AHCYL2: variants seen among roughly 807,000 people sequenced by gnomAD.
AHCYL2 encodes adenosylhomocysteinase like 2, also known as S-adenosylhomocysteine hydrolase-like protein 2.
Under a neutral mutation model 81.4 loss-of-function variants are expected in AHCYL2, and 28 were observed. That is an observed-to-expected ratio of 0.34 (90% CI 0.25 to 0.47). AHCYL2 has a LOEUF of 0.47. AHCYL2 is among the 20% of genes least tolerant of loss of function. The pLI is 1.00. For missense variants in AHCYL2, 551 were observed against 785.1 expected (o/e 0.70, Z 3.56); for synonymous variants, 272 against 290.2 (o/e 0.94, Z 0.64).
At chr7:129,315,042 C>T in intron 1 of AHCYL2, among the ~76,000 whole-genome samples, 1 of 152,094 alleles carries the variant, frequency 6.6e-6, no homozygotes, top group East Asian at 1.9e-4. Context: ...CATACAGCAC[C>T]TACCACATAG....
intron 1 of AHCYL2, among the ~76,000 whole-genome samples, chr7:129,296,456 C>T (rs978049257): frequency 2.0e-5 from 3 of 152,140 alleles, no homozygotes; most frequent in South Asian, 4.1e-4. Flanking sequence ...CGCCTATAAT[C>T]GCAGCACTTT....
chr7:129,275,326 C>T (rs893457159), intron 1 of AHCYL2, among the ~76,000 whole-genome samples: 24 of 152,020 alleles, frequency 1.6e-4, no homozygotes, highest in African/African-American at 4.3e-4. Flanking sequence ...CTCATGAACC[C>T]GGGAGGCAGA....
At chr7:129,254,887 G>A (rs948884770) in intron 1 of AHCYL2, among the ~76,000 whole-genome samples, 1 of 152,190 alleles carries the variant, frequency 6.6e-6, no homozygotes, top group African/African-American at 2.4e-5. Context: ...ATAGTTTTTT[G>A]TGGAGTGTGA....
chr7:129,275,843 C>T (rs1036729389), intron 1 of AHCYL2, among the ~76,000 whole-genome samples: 4 of 151,984 alleles, frequency 2.6e-5, no homozygotes, highest in African/African-American at 9.7e-5. Context: ...CAGACAAAAA[C>T]AACTTGAGAA....
chr7:129,342,784 G>C (rs75331517), intron 1 of AHCYL2, among the ~76,000 whole-genome samples: 135 of 152,066 alleles, frequency 8.9e-4, no homozygotes, highest in Non-Finnish European at 1.4e-3. Context: ...ACTCACCTCT[G>C]TTCACCACAG....
intron 1 of AHCYL2, among the ~76,000 whole-genome samples, chr7:129,306,229 C>G (rs951118726): frequency 2.6e-5 from 4 of 152,172 alleles, no homozygotes; most frequent in African/African-American, 9.6e-5. Flanking sequence ...CTTATATTTG[C>G]CCTTTTGAGG....
intron 1 of AHCYL2, among the ~76,000 whole-genome samples, chr7:129,268,603 C>T (rs1471585702): frequency 3.3e-5 from 5 of 152,136 alleles, no homozygotes; most frequent in Non-Finnish European, 4.4e-5. Context: ...CCACCCGCTT[C>T]GGCCTCCCAA....
intron 12 of AHCYL2, 116 bp from the exon 13 acceptor site, chr7:129,422,724 C>T: frequency 1.3e-6 from 1 of 785,538 alleles, no homozygotes; most frequent in South Asian, 1.7e-5. Flanking sequence ...TATTCTCCAT[C>T]TGGCATGTTG....
chr7:129,326,567 T>C (rs772233230), intron 1 of AHCYL2, among the ~76,000 whole-genome samples: 1 of 151,970 alleles, frequency 6.6e-6, no homozygotes, highest in African/African-American at 2.4e-5. Flanking sequence ...CTATGAAAAC[T>C]GCTAGTTTTA....
At chr7:129,423,416 C>A (rs1319949561) in intron 13 of AHCYL2, among the ~76,000 whole-genome samples, 1 of 152,172 alleles carries the variant, frequency 6.6e-6, no homozygotes, top group Non-Finnish European at 1.5e-5. Flanking sequence ...TAGGTACCTA[C>A]CTAGATATCA....
intron 1 of AHCYL2, among the ~76,000 whole-genome samples, chr7:129,297,803 C>T (rs1296997787): frequency 6.6e-6 from 1 of 151,960 alleles, no homozygotes; most frequent in Non-Finnish European, 1.5e-5. Flanking sequence ...ATGGGAAGAT[C>T]CTTTGAACCT....
intron 1 of AHCYL2, among the ~76,000 whole-genome samples, chr7:129,279,476 CCATGTTT>C (rs1308125999): frequency 6.6e-6 from 1 of 152,082 alleles, no homozygotes; most frequent in East Asian, 1.9e-4. Flanking sequence ...GTTTCATGTT[CCATGTTT>C]CATGTTTTTG....
chr7:129,367,531 C>T (rs1451627089), intron 1 of AHCYL2, among the ~76,000 whole-genome samples: 2 of 152,148 alleles, frequency 1.3e-5, no homozygotes, highest in Non-Finnish European at 2.9e-5. Flanking sequence ...TGATAGTGTA[C>T]AGGGCTACTG....
At chr7:129,235,150 C>T (rs1794596341) in intron 1 of AHCYL2, among the ~76,000 whole-genome samples, 1 of 152,124 alleles carries the variant, frequency 6.6e-6, no homozygotes, top group African/African-American at 2.4e-5. Flanking sequence ...CTCTTAGCAG[C>T]ATTTGACATT....
chr7:129,379,800 C>A, intron 2 of AHCYL2, 51 bp downstream of exon 2: 1 of 1,395,032 alleles, frequency 7.2e-7, no homozygotes, highest in Non-Finnish European at 1.0e-6. Context: ...TAAGTACGAT[C>A]TCAATGGGCC....
At chr7:129,352,078 G>C (rs1347996047) in intron 1 of AHCYL2, among the ~76,000 whole-genome samples, 1 of 151,862 alleles carries the variant, frequency 6.6e-6, no homozygotes, top group African/African-American at 2.4e-5. Context: ...TACACATAAA[G>C]TACTTCGGCT....
At chr7:129,417,992 A>C (rs1442741327) in intron 12 of AHCYL2, among the ~76,000 whole-genome samples, 1 of 152,228 alleles carries the variant, frequency 6.6e-6, no homozygotes, top group Non-Finnish European at 1.5e-5. Context: ...AGGAGATAAC[A>C]CTTTAAAAAA....
chr7:129,422,668 G>C (rs1797168903), intron 12 of AHCYL2, among the ~76,000 whole-genome samples, 172 bp from the exon 13 acceptor site: 1 of 152,142 alleles, frequency 6.6e-6, no homozygotes, highest in South Asian at 2.1e-4. Context: ...CTGGGCCTCA[G>C]ATTAAATTCC....
At chr7:129,343,773 A>AATACTCT (rs1793268657) in intron 1 of AHCYL2, among the ~76,000 whole-genome samples, 1 of 152,326 alleles carries the variant, frequency 6.6e-6, no homozygotes, top group African/African-American at 2.4e-5. Flanking sequence ...GCACACAAAA[A>AATACTCT]ATACTCTAAA....
Sources: gnomAD v4.1 joint callset for allele counts (sites outside exome capture counted in the v4.1 genomes callset) on GRCh38, gnomAD v4.1.1 for gene constraint, MANE v1.5 for transcripts, NCBI Gene and HGNC (gene_info 2026-07-23, HGNC 2026-07-21) for gene names.